KANK1: variants seen among roughly 807,000 people sequenced by gnomAD.
The protein encoded by KANK1 is KN motif and ankyrin repeat domain-containing protein 1.
In KANK1, 109 loss-of-function variants were observed where a neutral mutation model predicts 106.2. The ratio of observed to expected loss-of-function variants is 1.03; its 90% CI spans 0.88 to 1.20. The LOEUF (loss-of-function observed/expected upper bound fraction) is 1.20. Ranked by LOEUF, KANK1 falls within the 50% of genes most tolerant of loss-of-function variation. The probability of loss-of-function intolerance (pLI) is 0.00; values close to 1 mark genes in which losing one functional copy is unlikely to be tolerated. For missense variants in KANK1, 2,399 were observed against 1,710.7 expected (o/e 1.40, Z -7.10); for synonymous variants, 873 against 652.2 (o/e 1.34, Z -5.16).
chr9:600,479 C>G (rs779944480), intron 1 of KANK1, among the ~76,000 whole-genome samples: 6 of 151,760 alleles, frequency 4.0e-5, no homozygotes, highest in Non-Finnish European at 7.3e-5. Flanking sequence ...CATTCCCATA[C>G]AATGTGGTAA....
chr9:591,140 C>T (rs1192232623), intron 1 of KANK1, among the ~76,000 whole-genome samples: 1 of 151,700 alleles, frequency 6.6e-6, no homozygotes, highest in African/African-American at 2.4e-5. Flanking sequence ...ATTTTTGTTA[C>T]TGACTTGCAG....
intron 2 of KANK1, among the ~76,000 whole-genome samples, chr9:471,242 A>G (rs912944563): frequency 6.6e-6 from 1 of 152,210 alleles, no homozygotes; most frequent in African/African-American, 2.4e-5. Context: ...GGAAAGCGAT[A>G]GTGCCAGCTG....
At chr9:616,419 C>A (rs1831841373) in intron 1 of KANK1, among the ~76,000 whole-genome samples, 2 of 152,304 alleles carry the variant, frequency 1.3e-5, no homozygotes, top group Middle Eastern at 3.4e-3. Context: ...ATAGCCAGAT[C>A]TTTAATTTAC....
chr9:551,591 T>C (rs994517954), intron 1 of KANK1, among the ~76,000 whole-genome samples: 3 of 152,134 alleles, frequency 2.0e-5, no homozygotes, highest in African/African-American at 7.2e-5. Flanking sequence ...GTGAGGACCG[T>C]TTATAATGGT....
intron 2 of KANK1, 64 bp downstream of exon 2, chr9:677,073 C>A (rs558577704): frequency 3.5e-6 from 5 of 1,443,284 alleles, no homozygotes; most frequent in African/African-American, 1.4e-5. Context: ...ATTTTTTATT[C>A]TCTTTAATAA....
chr9:604,466 A>G (rs945296751), intron 1 of KANK1, among the ~76,000 whole-genome samples: 2 of 151,712 alleles, frequency 1.3e-5, no homozygotes, highest in African/African-American at 2.4e-5. Context: ...CCTTGCACCC[A>G]TGTCTCTCTC....
chr9:656,568 C>T (rs759591040), intron 1 of KANK1, among the ~76,000 whole-genome samples: 1 of 152,042 alleles, frequency 6.6e-6, no homozygotes, highest in Admixed American at 6.5e-5. Flanking sequence ...TGGGATCAGG[C>T]TTTTTCAGTC....
chr9:541,981 C>T (rs796883353), intron 1 of KANK1, among the ~76,000 whole-genome samples: 3 of 143,970 alleles, frequency 2.1e-5, no homozygotes, highest in East Asian at 3.9e-4. Context: ...CCCAGCTACT[C>T]GGGAGGCTGA....
chr9:617,334 T>C lies in KANK1; in HGVS notation c.-83-59556T>C, dbSNP rs374531273. On this transcript the variant is annotated intron_variant, in intron 1 of 11. Transcript: ENST00000382297. ...ATGTCTTTTGTCTTCAAAGGATAAA[T>C]GGAATTGGTTAGGAGAAGGATTGGG... 9.2e-5 allele frequency among the ~76,000 whole-genome samples: 14 copies of C among 152,132 alleles called. No individual in the cohort carries two copies. In the East Asian group the frequency reaches 9.6e-4, roughly 10 times the overall value.
At chr9:723,355 G>A (rs903464843) in intron 3 of KANK1, among the ~76,000 whole-genome samples, 7 of 152,172 alleles carry the variant, frequency 4.6e-5, no homozygotes, top group Admixed American at 3.9e-4. Context: ...GGAAGGGGTG[G>A]GAGGAAAGGC....
chr9:585,268 A>T (rs1282384698), intron 1 of KANK1, among the ~76,000 whole-genome samples: 1 of 152,192 alleles, frequency 6.6e-6, no homozygotes, highest in East Asian at 1.9e-4. Context: ...GCTGTGCATC[A>T]TCCTTGCTGC....
intron 1 of KANK1, among the ~76,000 whole-genome samples, chr9:550,332 TATTTA>T (rs1389993714): frequency 2.0e-5 from 3 of 152,228 alleles, no homozygotes. Flanking sequence ...ACCTCCTTCT[TATTTA>T]ATAATACAGT....
In KANK1 at chr9:497,740, C is replaced by G. The variant is rs112219762; in HGVS notation, c.-362+24467C>G. 3.0e-3 allele frequency among the ~76,000 whole-genome samples: 463 copies of G among 152,090 alleles called. 2 individuals carry two copies. The highest frequency in any genetic ancestry group is 0.011 in the African/African-American group (446 of 41,490). ...TGGTGGCGTGTGCCTGTGGTCCCAGCTACTTGGGAAGCGGAGGTAGGAGGA... is the reference window on the plus strand; with the variant it reads ...TGGTGGCGTGTGCCTGTGGTCCCAGGTACTTGGGAAGCGGAGGTAGGAGGA... On this transcript the variant is annotated intron_variant, in intron 3 of 15. Transcript: ENST00000382303.
At position 570,816 on chromosome 9, in the gene KANK1, T is replaced by C. The variant is rs181933881; in HGVS notation, c.-84+66062T>C. On this transcript the variant is annotated intron_variant, in intron 1 of 11. Transcript: ENST00000382297. ...CATTTAAGACCCGTTGGCTTAGTTT[T>C]TCATGAGACTTTCTAAACATGCTTA... Among the ~76,000 whole-genome samples, 196 of 152,332 alleles carry C rather than the reference T, an allele frequency of 1.3e-3. 2 individuals carry two copies. Among genetic ancestry groups the C allele is most frequent in the African/African-American group, 4.2e-3 (175 of 41,566 alleles).
Position 598,844 on chromosome 9 carries a change from C to G in KANK1, c.-83-78046C>G, listed in dbSNP as rs373211565. On this transcript the variant is annotated intron_variant, in intron 1 of 11. Transcript: ENST00000382297. Reference sequence around the variant, plus strand: ...ATAGAGTCTTGACGTGTTGGCCAGACTGGTCTCGGACTCCTGACCTCAGGT... The same window carrying G: ...ATAGAGTCTTGACGTGTTGGCCAGAGTGGTCTCGGACTCCTGACCTCAGGT... Among the ~76,000 whole-genome samples, 20 of 149,506 alleles carry G rather than the reference C, an allele frequency of 1.3e-4. 1 individual carries two copies. The South Asian group carries it at 1.5e-3, about 11-fold the overall frequency.
At chr9:636,797 G>T (rs562964887) in intron 1 of KANK1, among the ~76,000 whole-genome samples, 1 of 152,318 alleles carries the variant, frequency 6.6e-6, no homozygotes, top group East Asian at 1.9e-4. Flanking sequence ...AACCCGGGAG[G>T]TGGAGGTTGC....
intron 1 of KANK1, among the ~76,000 whole-genome samples, chr9:564,062 C>CTT (rs34396017): frequency 4.7e-4 from 66 of 140,240 alleles, no homozygotes; most frequent in African/African-American, 1.3e-3. Context: ...CACTTTCTTT[C>CTT]TTTTTTTTTT....
At chr9:672,811 C>T (rs1397642612) in intron 1 of KANK1, among the ~76,000 whole-genome samples, 1 of 152,212 alleles carries the variant, frequency 6.6e-6, no homozygotes, top group Non-Finnish European at 1.5e-5. Context: ...CAGCATCCTT[C>T]AGTCTCCCGA....
chr9:495,897 GT>G (rs2058452816), intron 3 of KANK1, among the ~76,000 whole-genome samples: 1 of 152,182 alleles, frequency 6.6e-6, no homozygotes, highest in Admixed American at 6.5e-5. Context: ...CCAGGTCAGG[GT>G]TTCCTTGCTG....
Sources: gnomAD v4.1 joint callset for allele counts (sites outside exome capture counted in the v4.1 genomes callset) on GRCh38, gnomAD v4.1.1 for gene constraint, MANE v1.5 for transcripts, NCBI Gene and HGNC (gene_info 2026-07-23, HGNC 2026-07-21) for gene names.